NUP107: variants seen among roughly 807,000 people sequenced by gnomAD.
NUP107 encodes the protein nucleoporin 107.
Under a neutral mutation model 141.0 loss-of-function variants are expected in NUP107, and 101 were observed. The observed-to-expected ratio is 0.72, with a 90% CI of 0.61 to 0.84. The LOEUF (loss-of-function observed/expected upper bound fraction) is 0.84. Among genes scored for constraint, NUP107 ranks in the 40% least tolerant of loss-of-function variants. The probability of loss-of-function intolerance (pLI) is 0.00; values close to 1 mark genes in which losing one functional copy is unlikely to be tolerated. For missense variants in NUP107, 941 were observed against 1,102.7 expected, an observed-to-expected ratio of 0.85 and a Z score of 2.08; for synonymous variants, 319 against 363.9, an observed-to-expected ratio of 0.88 and a Z score of 1.41.
At chr12:68,711,514 T>A (rs1592505143) in intron 10 of NUP107, among the ~76,000 whole-genome samples, 1 of 148,654 alleles carries the variant, frequency 6.7e-6, no homozygotes, top group African/African-American at 2.5e-5. Flanking sequence ...CCAGCCTGGG[T>A]GACAGAGCGA....
At chr12:68,702,437 T>G (rs974446665) in intron 7 of NUP107, among the ~76,000 whole-genome samples, 2 of 151,964 alleles carry the variant, frequency 1.3e-5, no homozygotes, top group Non-Finnish European at 2.9e-5. Flanking sequence ...ACTTTTTTTA[T>G]TTTTAGTAGA....
At chr12:68,689,235 T>G (rs1322915771) in intron 2 of NUP107, among the ~76,000 whole-genome samples, 182 bp downstream of exon 2, 2 of 152,240 alleles carry the variant, frequency 1.3e-5, no homozygotes, top group Non-Finnish European at 2.9e-5. Flanking sequence ...AGATCGTATT[T>G]CCCTAAAAAT....
At chr12:68,695,089 CCAA>C (rs1258312991) in intron 5 of NUP107, among the ~76,000 whole-genome samples, 1 of 152,114 alleles carries the variant, frequency 6.6e-6, no homozygotes, top group Admixed American at 6.6e-5. Flanking sequence ...AACAAACAAA[CCAA>C]CAACAAGAAC....
At chr12:68,687,152 C>G (rs1474799304) in intron 1 of NUP107, 79 bp downstream of exon 1, 2 of 1,591,924 alleles carry the variant, frequency 1.3e-6, no homozygotes, top group African/African-American at 2.7e-5. Context: ...TGAAACTAGA[C>G]TCCCAGAAGA....
chr12:68,707,823 G>A (rs1182189029), intron 8 of NUP107, among the ~76,000 whole-genome samples: 1 of 152,160 alleles, frequency 6.6e-6, no homozygotes, highest in Non-Finnish European at 1.5e-5. Context: ...TTGGCTGGAT[G>A]AGGTGGCTCA....
At chr12:68,729,644 C>T (rs932601273) in intron 20 of NUP107, among the ~76,000 whole-genome samples, 11 of 151,602 alleles carry the variant, frequency 7.3e-5, no homozygotes, top group African/African-American at 2.4e-4. Context: ...GGTTTCACCA[C>T]GTTGGCCAGG....
chr12:68,691,889 T>G, intron 4 of NUP107, 79 bp from the exon 5 acceptor site: 2 of 1,205,480 alleles, frequency 1.7e-6, no homozygotes, highest in Non-Finnish European at 1.1e-6. Flanking sequence ...TTAGAAACCT[T>G]ATTTGTTTTT....
At chr12:68,687,591 GGTAA>G (rs1157066437) in intron 1 of NUP107, 2 of 986,402 alleles carry the variant, frequency 2.0e-6, no homozygotes, top group African/African-American at 3.5e-5. Flanking sequence ...AGTGTAAAGT[GGTAA>G]GTGTTTGGGG....
intron 1 of NUP107, chr12:68,687,490 T>C: frequency 9.7e-7 from 1 of 1,033,268 alleles, no homozygotes; most frequent in Non-Finnish European, 1.2e-6. Context: ...CCCTCTATGA[T>C]CTGGGTACTG....
chr12:68,727,674 A>T (rs1026812568), intron 20 of NUP107, among the ~76,000 whole-genome samples: 6 of 152,138 alleles, frequency 3.9e-5, no homozygotes, highest in African/African-American at 1.2e-4. Context: ...CACACAATTA[A>T]CACATTTTGT....
At chr12:68,690,402 AT>A in intron 3 of NUP107, 1 of 563,778 alleles carries the variant, frequency 1.8e-6, no homozygotes, top group Non-Finnish European at 3.1e-6. Context: ...AGCATCTGTA[AT>A]TGCAGTAAAA....
At chr12:68,710,512 G>A (rs374986632) in intron 10 of NUP107, among the ~76,000 whole-genome samples, 6 of 151,902 alleles carry the variant, frequency 3.9e-5, no homozygotes, top group African/African-American at 1.2e-4. Context: ...AAAATTAGCC[G>A]GGTTTGGTGA....
At chr12:68,714,113 C>A (rs542829552) in intron 11 of NUP107, 2 of 231,228 alleles carry the variant, frequency 8.6e-6, no homozygotes, top group East Asian at 1.9e-4. Flanking sequence ...CCTATGAAAG[C>A]TCTTTTATGT....
At chr12:68,713,278 A>AATG (rs1227244368) in intron 10 of NUP107, among the ~76,000 whole-genome samples, 2 of 151,496 alleles carry the variant, frequency 1.3e-5, no homozygotes, top group East Asian at 3.9e-4. Context: ...AGGAGACTGA[A>AATG]ATGGGAGGAT....
intron 10 of NUP107, 67 bp downstream of exon 10, chr12:68,710,160 G>A: frequency 1.2e-6 from 1 of 825,178 alleles, no homozygotes; most frequent in East Asian, 2.6e-5. Flanking sequence ...CTTTCAATAA[G>A]TATTATTCAG....
intron 8 of NUP107, chr12:68,706,660 T>TAA: frequency 1.4e-6 from 1 of 725,290 alleles, no homozygotes; most frequent in Non-Finnish European, 2.6e-6. Flanking sequence ...CATGGGGAGC[T>TAA]GGCAGTTAAG....
chr12:68,689,687 A>G (rs1875686401), intron 3 of NUP107, 68 bp downstream of exon 3: 11 of 958,770 alleles, frequency 1.1e-5, no homozygotes, highest in Non-Finnish European at 1.7e-5. Flanking sequence ...CATTTATTGT[A>G]ACATAATTAG....
In NUP107 at chr12:68,735,801, G is replaced by GT. The variant is rs1878042817; in HGVS notation, c.2502+464dup. 4.6e-5 allele frequency among the ~76,000 whole-genome samples: 7 copies of GT among 152,090 alleles called. No individual in the cohort carries two copies. The South Asian group carries it at 1.2e-3, about 27-fold the overall frequency. On this transcript the variant is annotated intron_variant, in intron 26 of 27. Transcript: ENST00000229179. ...TGAGGTAGGGCTGGGGTTTATTTTT[G>GT]TTTTTTTAATCACTTGCAGTGCTTT...
chr12:68,689,413 G>A (rs1875666266), intron 2 of NUP107, 120 bp from the exon 3 acceptor site: 1 of 614,564 alleles, frequency 1.6e-6, no homozygotes. Flanking sequence ...AAAAATGGTA[G>A]CCCTAAAATA....
Sources: gnomAD v4.1 joint callset for allele counts (sites outside exome capture counted in the v4.1 genomes callset) on GRCh38, gnomAD v4.1.1 for gene constraint, MANE v1.5 for transcripts, NCBI Gene and HGNC (gene_info 2026-07-23, HGNC 2026-07-21) for gene names.